The following LRP1B variants were observed in gnomAD, a reference collection of about 807,000 sequenced individuals.
LRP1B encodes the protein LDL receptor related protein 1B.
In LRP1B, 217 loss-of-function variants were observed where a neutral mutation model predicts 556.6. The observed-to-expected ratio is 0.39, with a 90% CI of 0.35 to 0.44. The LOEUF (loss-of-function observed/expected upper bound fraction) is 0.44. Ranked by LOEUF, LRP1B falls within the 20% of genes least tolerant of loss-of-function variation. The pLI is 1.00. For missense variants in LRP1B, 5,053 were observed against 5,620.8 expected, an observed-to-expected ratio of 0.90 and a Z score of 3.23; for synonymous variants, 2,047 against 1,865.8, an observed-to-expected ratio of 1.10 and a Z score of -2.50.
At position 141,818,768 on chromosome 2, in the gene LRP1B, C is replaced by A. The variant is rs1436256655; in HGVS notation, c.83-8367G>T. ...AGCCAGGATGGTCTCGATCTCCTGACCTCGTGATCTGCCCGCCTTGGCCTC... is the reference window on the plus strand; with the variant it reads ...AGCCAGGATGGTCTCGATCTCCTGAACTCGTGATCTGCCCGCCTTGGCCTC... On this transcript the variant is annotated intron_variant, in intron 1 of 90. Coordinates refer to ENST00000389484, the MANE Select transcript of LRP1B (RefSeq NM_018557.3). Among the ~76,000 whole-genome samples, 4 of 150,990 alleles carry A rather than the reference C, an allele frequency of 2.6e-5. No individual in the cohort carries two copies. The South Asian group carries it at 6.3e-4, about 24-fold the overall frequency.
In LRP1B at chr2:140,929,756, T is replaced by A. The variant is rs368281297; in HGVS notation, c.3137-6609A>T. ...AAGTTTATACCACAGTCATATAGAC[T>A]CACACACACACACACACACACACAC... On this transcript the variant is annotated intron_variant, in intron 20 of 90. Coordinates refer to ENST00000389484, the MANE Select transcript of LRP1B (RefSeq NM_018557.3). 1.7e-4 allele frequency among the ~76,000 whole-genome samples: 24 copies of A among 139,312 alleles called. 1 individual carries two copies. Among genetic ancestry groups the A allele is most frequent in the South Asian group, 1.2e-3 (5 of 4,030 alleles). The allele number at this position is 139,312 out of a possible 152,430, so 91.4% of individuals were successfully genotyped here.
chr2:142,116,069 T>G (rs1451423959), intron 1 of LRP1B, among the ~76,000 whole-genome samples: 1 of 146,662 alleles, frequency 6.8e-6, no homozygotes, highest in Admixed American at 7.0e-5. Flanking sequence ...ATACAAAAAT[T>G]ATCTGGGTGC....
chr2:140,699,674 A>C (rs1020921302), intron 41 of LRP1B, among the ~76,000 whole-genome samples: 1 of 151,204 alleles, frequency 6.6e-6, no homozygotes, highest in East Asian at 1.9e-4. Context: ...AATTATGTGG[A>C]TAATCCTCAC....
At chr2:141,304,220 T>C (rs1007206745) in intron 3 of LRP1B, among the ~76,000 whole-genome samples, 1 of 152,094 alleles carries the variant, frequency 6.6e-6, no homozygotes, top group Non-Finnish European at 1.5e-5. Context: ...AGACTGTCAT[T>C]TTACTCTGAT....
chr2:141,827,628 A>G (rs1030332250), intron 1 of LRP1B, among the ~76,000 whole-genome samples: 2 of 152,180 alleles, frequency 1.3e-5, no homozygotes, highest in African/African-American at 2.4e-5. Context: ...TTGAGCATCA[A>G]CTTTGATGGG....
rs753193226 is a variant in LRP1B at position 140,716,821 on chromosome 2, G to A, written c.5759-5C>T. The A allele has an allele frequency of 1.3e-6, 2 of 1,550,838 alleles. No homozygotes were observed. Among genetic ancestry groups the A allele is most frequent in the East Asian group, 4.6e-5 (2 of 43,850 alleles). ...TCCAGTAGATGGTATCATTTTCTAT[G>A]GATAAGACACAGAAAAAAAATACAT... is the stretch of plus-strand genomic sequence containing the variant. On this transcript the variant is annotated splice_region_variant and splice_polypyrimidine_tract_variant and intron_variant, in intron 35 of 90. Transcript: ENST00000389484.
At chr2:140,233,397 T>C in intron 90 of LRP1B, 71 bp from the exon 91 acceptor site, 1 of 1,039,146 alleles carries the variant, frequency 9.6e-7, no homozygotes, top group Non-Finnish European at 1.4e-6. Flanking sequence ...CTTCCTAGAA[T>C]GTCCATCTCC....
intron 1 of LRP1B, among the ~76,000 whole-genome samples, chr2:142,011,608 C>A (rs1485227541): frequency 6.6e-6 from 1 of 152,108 alleles, no homozygotes; most frequent in Non-Finnish European, 1.5e-5. Flanking sequence ...AGTTTAAAGG[C>A]CTGATGTTGT....
chr2:141,267,232 C>T (rs1340741777), intron 3 of LRP1B, among the ~76,000 whole-genome samples: 1 of 152,150 alleles, frequency 6.6e-6, no homozygotes, highest in African/African-American at 2.4e-5. Flanking sequence ...TCAAAGTGTG[C>T]TCCAGACCCT....
At chr2:140,461,802 C>T (rs575263687) in intron 60 of LRP1B, among the ~76,000 whole-genome samples, 1 of 151,548 alleles carries the variant, frequency 6.6e-6, no homozygotes, top group Non-Finnish European at 1.5e-5. Context: ...CCATTGCACT[C>T]AAGCCTGGTT....
At chr2:141,646,742 G>C (rs1689580743) in intron 2 of LRP1B, among the ~76,000 whole-genome samples, 1 of 152,112 alleles carries the variant, frequency 6.6e-6, no homozygotes, top group African/African-American at 2.4e-5. Flanking sequence ...TAAAATTCTG[G>C]GGAGGCTTCA....
At chr2:140,719,882 G>T (rs1415759967) in intron 35 of LRP1B, among the ~76,000 whole-genome samples, 1 of 151,946 alleles carries the variant, frequency 6.6e-6, no homozygotes, top group African/African-American at 2.4e-5. Flanking sequence ...TCACATATAT[G>T]TTGTATACCC....
intron 2 of LRP1B, among the ~76,000 whole-genome samples, chr2:141,509,326 G>A (rs1684039517): frequency 6.6e-6 from 1 of 152,130 alleles, no homozygotes; most frequent in African/African-American, 2.4e-5. Context: ...GAACTGTCAA[G>A]GATGTTTGTG....
chr2:140,882,272 A>T (rs1217445962), intron 25 of LRP1B, among the ~76,000 whole-genome samples: 1 of 152,186 alleles, frequency 6.6e-6, no homozygotes, highest in Non-Finnish European at 1.5e-5. Flanking sequence ...GTGTAGGGTC[A>T]GTATCAGCAA....
chr2:141,787,930 C>G (rs767111893), intron 2 of LRP1B, among the ~76,000 whole-genome samples: 8 of 151,906 alleles, frequency 5.3e-5, no homozygotes, highest in African/African-American at 1.7e-4. Flanking sequence ...GGCTAACATT[C>G]TAACCAATTT....
At chr2:140,578,321 C>T (rs1307782429) in intron 43 of LRP1B, among the ~76,000 whole-genome samples, 5 of 151,982 alleles carry the variant, frequency 3.3e-5, no homozygotes, top group African/African-American at 7.3e-5. Context: ...TGGGGGCGGA[C>T]GACTTTAACC....
At position 141,480,486 on chromosome 2, in the gene LRP1B, G is replaced by C. The variant is rs1682877160; in HGVS notation, c.253C>G (p.Leu85Val). 1 of 1,613,912 alleles carries C rather than the reference G, an allele frequency of 6.2e-7. No homozygotes were observed. The highest frequency in any genetic ancestry group is 8.5e-7 in the Non-Finnish European group (1 of 1,179,908). ...AAATGAACACATTTGTTGGTACCAA[G>C]GCAAGCAATGTGATTCAAGGGGCAC... is the stretch of plus-strand genomic sequence containing the variant. ...IKCPLNHIAC[L>V]GTNKCVHLSQ... Residue 85 changes from leucine (L) to valine (V), a missense_variant, in exon 3 of 91, where the codon CTT becomes GTT. Around this residue, in one of 5 missense-constraint regions of LRP1B, gnomAD observed 3,619 missense variants for 3,931.9 expected, o/e 0.92. Transcript: ENST00000389484.
intron 1 of LRP1B, among the ~76,000 whole-genome samples, chr2:141,917,711 G>A (rs373111140): frequency 6.6e-6 from 1 of 152,148 alleles, no homozygotes; most frequent in East Asian, 1.9e-4. Context: ...TTTTGAGTTT[G>A]AAAAGTTTGT....
chr2:141,132,928 C>T (rs1324292272), intron 7 of LRP1B, among the ~76,000 whole-genome samples: 1 of 151,938 alleles, frequency 6.6e-6, no homozygotes, highest in Non-Finnish European at 1.5e-5. Context: ...ATTTCTCTTG[C>T]ACAATCAAAA....
Sources: gnomAD v4.1 joint callset for allele counts (sites outside exome capture counted in the v4.1 genomes callset) on GRCh38, gnomAD v4.1.1 for gene constraint, gnomAD v4.1.1 regional missense constraint, MANE v1.5 for transcripts, NCBI Gene and HGNC (gene_info 2026-07-23, HGNC 2026-07-21) for gene names.